ADGRA1: variants seen among roughly 807,000 people sequenced by gnomAD.
ADGRA1 encodes the protein G-protein coupled receptor 123.
In ADGRA1, 12 loss-of-function variants were observed where a neutral mutation model predicts 21.3. The observed-to-expected ratio is 0.56, with a 90% CI of 0.36 to 0.91. The LOEUF is 0.91. Among genes scored for constraint, ADGRA1 ranks in the 40% least tolerant of loss-of-function variants. ADGRA1 has a pLI of 0.01. For missense variants in ADGRA1, 790 were observed against 805.6 expected, an observed-to-expected ratio of 0.98 and a Z score of 0.23; for synonymous variants, 385 against 368.8, an observed-to-expected ratio of 1.04 and a Z score of -0.50.
At chr10:133,099,329 G>T (rs1201992054) in intron 4 of ADGRA1, among the ~76,000 whole-genome samples, 1 of 152,134 alleles carries the variant, frequency 6.6e-6, no homozygotes, top group African/African-American at 2.4e-5. Context: ...CTCGAGGAGG[G>T]GCACACACTC....
rs750083578 is a variant in ADGRA1 at position 133,129,003 on chromosome 10, T to G, written c.1175T>G (p.Leu392Arg). Residue 392 changes from leucine (L) to arginine (R), a missense_variant, in exon 7 of 7, where the codon CTG becomes CGG. Leu to Arg is a moderately radical substitution (Grantham distance 102). Around this residue, in one of 3 missense-constraint regions of ADGRA1, gnomAD observed 391 missense variants for 351.5 expected, o/e 1.11. Coordinates refer to ENST00000392607, the MANE Select transcript of ADGRA1 (RefSeq NM_001083909.3). Reference protein sequence around the residue: ...PCCAKMHCEPLTADEAHVHLQ... With the variant: ...PCCAKMHCEPRTADEAHVHLQ... ...TGCGCCAAGATGCACTGCGAGCCAC[T>G]GACGGCGGACGAGGCGCACGTGCAC... is the stretch of plus-strand genomic sequence containing the variant. The G allele has an allele frequency of 6.4e-7, 1 of 1,570,632 alleles. No individual in the cohort carries two copies. Among genetic ancestry groups the G allele is most frequent in the South Asian group, 1.2e-5 (1 of 86,200 alleles).
intron 4 of ADGRA1, chr10:133,102,112 G>T: frequency 2.4e-6 from 1 of 423,574 alleles, no homozygotes; most frequent in Admixed American, 2.5e-5. Flanking sequence ...AACGCAGGAA[G>T]TTTCCATAGC....
At chr10:133,112,207 G>A (rs188840226) in intron 5 of ADGRA1, among the ~76,000 whole-genome samples, 90 of 152,366 alleles carry the variant, frequency 5.9e-4, no homozygotes, top group African/African-American at 1.3e-3. Flanking sequence ...ATAGGTGCTC[G>A]GGGGCTGATT....
chr10:133,091,121 G>A (rs969504373), intron 2 of ADGRA1, among the ~76,000 whole-genome samples: 22 of 152,254 alleles, frequency 1.4e-4, no homozygotes, highest in African/African-American at 5.1e-4. Context: ...TGAAATAGGT[G>A]TCACTTCGCA....
chr10:133,115,260 A>G (rs981100020), intron 5 of ADGRA1, among the ~76,000 whole-genome samples: 1 of 152,094 alleles, frequency 6.6e-6, no homozygotes, highest in Non-Finnish European at 1.5e-5. Context: ...TCCCCTAGGC[A>G]GGGGTGGCGC....
Position 133,096,920 on chromosome 10 carries a change from C to T in ADGRA1, c.4-54C>T. The T allele has an allele frequency of 2.5e-6, 4 of 1,577,432 alleles. No homozygotes were observed. In the South Asian group the frequency reaches 3.4e-5, roughly 13 times the overall value. On this transcript the variant is annotated intron_variant, in intron 2 of 6. Coordinates refer to ENST00000392607, the MANE Select transcript of ADGRA1 (RefSeq NM_001083909.3). ...CAAGGGTAGGCTCAGGCGACGGCGC[C>T]GCCCACACAGACCCACCAGCCAGTC... is the stretch of plus-strand genomic sequence containing the variant.
At chr10:133,109,170 G>A (rs1192294171) in intron 5 of ADGRA1, among the ~76,000 whole-genome samples, 3 of 150,748 alleles carry the variant, frequency 2.0e-5, no homozygotes, top group Admixed American at 1.3e-4. Flanking sequence ...CCCAGCATTC[G>A]TGTCTGGGTG....
intron 5 of ADGRA1, among the ~76,000 whole-genome samples, chr10:133,103,063 G>A (rs1289527807): frequency 6.6e-6 from 1 of 151,876 alleles, no homozygotes; most frequent in Admixed American, 6.5e-5. Flanking sequence ...GAGGGGCGCC[G>A]GTCACTGGGG....
chr10:133,112,058 T>C lies in ADGRA1; in HGVS notation c.401+9216T>C, dbSNP rs371262059. Among the ~76,000 whole-genome samples the C allele has an allele frequency of 1.8e-3, 266 of 144,730 alleles. 8 individuals are homozygous for C. The highest frequency in any genetic ancestry group is 3.5e-3 in the Middle Eastern group (1 of 284). 94.9% of individuals were successfully genotyped at this position (144,730 alleles called of 152,430 possible). On this transcript the variant is annotated intron_variant, in intron 5 of 6. Coordinates refer to ENST00000392607, the MANE Select transcript of ADGRA1 (RefSeq NM_001083909.3). ...ATGCCTCCAGACCACCTGCCTGCCA[T>C]GGGCATCTCCCTCCTAATCCTGCTG...
chr10:133,095,890 C>A, intron 2 of ADGRA1: 1 of 1,355,402 alleles, frequency 7.4e-7, no homozygotes, highest in Non-Finnish European at 9.9e-7. Flanking sequence ...CTCCTCCTGC[C>A]CCGATGCCCA....
chr10:133,125,453 T>C (rs1033626931), intron 5 of ADGRA1, among the ~76,000 whole-genome samples: 4 of 152,254 alleles, frequency 2.6e-5, no homozygotes, highest in Non-Finnish European at 5.9e-5. Flanking sequence ...AGACGGAGTC[T>C]CGTTCTGTCG....
intron 4 of ADGRA1, among the ~76,000 whole-genome samples, chr10:133,100,495 G>C (rs192226587): frequency 2.5e-4 from 38 of 152,342 alleles, no homozygotes; most frequent in Admixed American, 1.8e-3. Context: ...TTGCCTGGAC[G>C]GAGCTCCTGG....
At chr10:133,110,869 A>G (rs1299441258) in intron 5 of ADGRA1, among the ~76,000 whole-genome samples, 1 of 152,074 alleles carries the variant, frequency 6.6e-6, no homozygotes, top group Admixed American at 6.6e-5. Context: ...CCTTTGCCGC[A>G]GAGTGATGTC....
intron 5 of ADGRA1, among the ~76,000 whole-genome samples, chr10:133,104,413 A>G (rs1334201949): frequency 1.3e-5 from 2 of 152,006 alleles, no homozygotes; most frequent in African/African-American, 4.8e-5. Flanking sequence ...CAGCCGTGGA[A>G]CACCCCGGCG....
chr10:133,112,484 C>T (rs996756720), intron 5 of ADGRA1, among the ~76,000 whole-genome samples: 1 of 146,494 alleles, frequency 6.8e-6, no homozygotes, highest in African/African-American at 2.6e-5. Context: ...CGGGCCGCGT[C>T]GGTTATTTGG....
chr10:133,112,474 C>CAGGCCGCGTCGGTTATTTGAGGTCTGT (rs1852060279), intron 5 of ADGRA1, among the ~76,000 whole-genome samples: 2 of 143,452 alleles, frequency 1.4e-5, no homozygotes, highest in African/African-American at 5.3e-5. Context: ...TTGGGGTCTG[C>CAGGCCGCGTCGGTTATTTGAGGTCTGT]GGGCCGCGTC....
intron 5 of ADGRA1, among the ~76,000 whole-genome samples, chr10:133,105,906 A>T (rs1399914084): frequency 1.3e-5 from 2 of 152,162 alleles, no homozygotes. Flanking sequence ...CTCAAGCAGG[A>T]GTGTGGCCCT....
At chr10:133,110,830 CT>C (rs1851975092) in intron 5 of ADGRA1, among the ~76,000 whole-genome samples, 1 of 152,170 alleles carries the variant, frequency 6.6e-6, no homozygotes, top group South Asian at 2.1e-4. Context: ...GCCTCTTCCC[CT>C]TCCTTGTCTT....
In ADGRA1 at chr10:133,098,783, C is replaced by T. The variant is rs370126310; in HGVS notation, c.255+20C>T. 8 of 1,605,752 alleles carry T rather than the reference C, an allele frequency of 5.0e-6. No homozygotes were observed. Among genetic ancestry groups the T allele is most frequent in the East Asian group, 2.2e-5 (1 of 44,804 alleles). ...CAGGCGGTGAGTGCCGGGGCGCCCT[C>T]GTTGGCTCCTCCCAGAGGGGAACTG... On this transcript the variant is annotated intron_variant, in intron 4 of 6. Transcript: ENST00000392607.
Sources: gnomAD v4.1 joint callset for allele counts (sites outside exome capture counted in the v4.1 genomes callset) on GRCh38, gnomAD v4.1.1 for gene constraint, gnomAD v4.1.1 regional missense constraint, MANE v1.5 for transcripts, NCBI Gene and HGNC (gene_info 2026-07-23, HGNC 2026-07-21) for gene names.